Variants in AFF4 observed in about 807,000 individuals in gnomAD.
AFF4 encodes ALF transcription elongation factor 4, also known as AF4/FMR2 family member 4.
Under a neutral mutation model 124.8 loss-of-function variants are expected in AFF4, and 13 were observed. That is an observed-to-expected ratio of 0.10 (90% CI 0.07 to 0.17). The LOEUF is 0.17. AFF4 is among the 10% of genes least tolerant of loss of function. The pLI, the probability that AFF4 is intolerant of heterozygous loss-of-function variation, is 1.00. For missense variants in AFF4, 1,092 were observed against 1,403.8 expected, an observed-to-expected ratio of 0.78 and a Z score of 3.55; for synonymous variants, 477 against 496.1, an observed-to-expected ratio of 0.96 and a Z score of 0.51.
chr5:132,957,132 G>A (rs191439272), intron 1 of AFF4, among the ~76,000 whole-genome samples: 86 of 150,594 alleles, frequency 5.7e-4, no homozygotes, highest in African/African-American at 2.1e-3. Flanking sequence ...CCTGAGGCCA[G>A]GAATTTGTAA....
At chr5:132,881,499 A>C (rs1361643242) in intron 20 of AFF4, among the ~76,000 whole-genome samples, 1 of 152,234 alleles carries the variant, frequency 6.6e-6, no homozygotes, top group Non-Finnish European at 1.5e-5. Context: ...ATTTAATGCC[A>C]TAATGTGCTA....
chr5:132,910,684 C>T (rs558131209), intron 5 of AFF4, among the ~76,000 whole-genome samples: 2 of 152,208 alleles, frequency 1.3e-5, no homozygotes, highest in Non-Finnish European at 2.9e-5. Flanking sequence ...AGGTGTCTCA[C>T]AAACACCAAA....
At chr5:132,899,550 A>C (rs374873141) in intron 8 of AFF4, 37 bp downstream of exon 8, 1 of 1,548,630 alleles carries the variant, frequency 6.5e-7, no homozygotes, top group Admixed American at 1.8e-5. Context: ...TGAAAATACT[A>C]TATGAGACTG....
At chr5:132,956,331 T>C (rs951220255) in intron 1 of AFF4, among the ~76,000 whole-genome samples, 4 of 152,130 alleles carry the variant, frequency 2.6e-5, no homozygotes, top group African/African-American at 7.2e-5. Flanking sequence ...TTTATGGACA[T>C]TGAAATCTGA....
chr5:132,896,864 G>T lies in AFF4; in HGVS notation c.1766C>A (p.Pro589His), dbSNP rs559274503. Residue 589 changes from proline to histidine, a missense_variant, in exon 11 of 21, where the codon CCT becomes CAT. Coordinates refer to ENST00000265343, the MANE Select transcript of AFF4 (RefSeq NM_014423.4). ...GGGCATGCTGCTAGCCAAGTCTACA[G>T]GGGTTTCACTTTCTATCTTCAGGCC... ...RGGLKIESETPVDLASSMPSS... is the reference protein window; with the variant it reads ...RGGLKIESETHVDLASSMPSS... 13 of 1,614,108 alleles carry T rather than the reference G, an allele frequency of 8.1e-6. No individual in the cohort carries two copies. The East Asian group carries it at 2.7e-4, about 33-fold the overall frequency.
chr5:132,950,735 C>T (rs1370900470), intron 1 of AFF4, among the ~76,000 whole-genome samples: 1 of 152,172 alleles, frequency 6.6e-6, no homozygotes, highest in East Asian at 1.9e-4. Flanking sequence ...TCAGCGTCTA[C>T]ATCTATTCTC....
At position 132,898,348 on chromosome 5, in the gene AFF4, G is replaced by C; in HGVS notation, c.1271C>G (p.Ser424Cys). The C allele has an allele frequency of 4.3e-6, 7 of 1,614,198 alleles. No individual in the cohort carries two copies. The highest frequency in any genetic ancestry group is 4.2e-6 in the Non-Finnish European group (5 of 1,180,018). Reference sequence around the variant, plus strand: ...ACTGTGGCTACTAGAATCATCCCTGGAGTTATCTGCTCCTTCACTATTATG... The same window carrying C: ...ACTGTGGCTACTAGAATCATCCCTGCAGTTATCTGCTCCTTCACTATTATG... ...SHHNSEGADN[S>C]RDDSSSHSGS... Residue 424 changes from serine (S) to cysteine (C), a missense_variant, in exon 10 of 21, where the codon TCC (serine) becomes TGC (cysteine). By Grantham distance (112) the Ser-to-Cys change is moderately radical. Around this residue, in one of 11 missense-constraint regions of AFF4, gnomAD observed 148 missense variants for 196.3 expected, o/e 0.75. Coordinates refer to ENST00000265343, the MANE Select transcript of AFF4 (RefSeq NM_014423.4).
intron 18 of AFF4, among the ~76,000 whole-genome samples, chr5:132,885,784 T>C (rs1328079078): frequency 6.6e-6 from 1 of 152,140 alleles, no homozygotes; most frequent in Non-Finnish European, 1.5e-5. Context: ...ACTTTTTGTT[T>C]GTTTTTGAGA....
chr5:132,892,948 C>T, intron 12 of AFF4, 82 bp downstream of exon 12: 1 of 1,318,116 alleles, frequency 7.6e-7, no homozygotes, highest in Non-Finnish European at 1.1e-6. Context: ...AAGGAACACT[C>T]AGAGCATGTC....
chr5:132,926,311 C>A, intron 5 of AFF4: 1 of 416,644 alleles, frequency 2.4e-6, no homozygotes, highest in Non-Finnish European at 4.7e-6. Context: ...GAATGTATTT[C>A]TGTATTATTT....
intron 1 of AFF4, among the ~76,000 whole-genome samples, chr5:132,939,773 G>A (rs1389595506): frequency 6.6e-6 from 1 of 152,134 alleles, no homozygotes; most frequent in Non-Finnish European, 1.5e-5. Context: ...ACCACGCCCG[G>A]CTAATTTTTG....
At chr5:132,946,917 C>T (rs934843620) in intron 1 of AFF4, among the ~76,000 whole-genome samples, 1 of 151,878 alleles carries the variant, frequency 6.6e-6, no homozygotes, top group African/African-American at 2.4e-5. Flanking sequence ...TTAGGTCAGG[C>T]GTGGTGGCGT....
At chr5:132,907,079 A>G (rs969851766) in intron 5 of AFF4, among the ~76,000 whole-genome samples, 5 of 152,148 alleles carry the variant, frequency 3.3e-5, no homozygotes, top group African/African-American at 1.2e-4. Context: ...ATATCTGACA[A>G]TAGTCAGCAG....
At chr5:132,925,876 A>G (rs762409964) in intron 5 of AFF4, among the ~76,000 whole-genome samples, 2 of 152,226 alleles carry the variant, frequency 1.3e-5, no homozygotes, top group Non-Finnish European at 2.9e-5. Context: ...CTCAACACTC[A>G]GCAATTCTAC....
chr5:132,901,708 C>T (rs1561487273), intron 7 of AFF4, among the ~76,000 whole-genome samples: 2 of 152,084 alleles, frequency 1.3e-5, no homozygotes, highest in Admixed American at 1.3e-4. Context: ...AAATGAAGGG[C>T]TTGGCCTAAA....
At chr5:132,900,955 C>T (rs775526076) in intron 7 of AFF4, 121 of 985,110 alleles carry the variant, frequency 1.2e-4, no homozygotes, top group Non-Finnish European at 1.4e-4. Flanking sequence ...TTTTCCTCCT[C>T]AAAGTTTAAC....
intron 1 of AFF4, among the ~76,000 whole-genome samples, chr5:132,947,512 T>TA (rs1245199401): frequency 1.3e-5 from 2 of 152,202 alleles, no homozygotes; most frequent in Non-Finnish European, 1.5e-5. Flanking sequence ...TTTTTTCACT[T>TA]AGTGTCTTAA....
chr5:132,903,880 T>C (rs1374515166), intron 6 of AFF4: 1 of 152,666 alleles, frequency 6.6e-6, no homozygotes, highest in Non-Finnish European at 1.5e-5. Context: ...GTAGTGTATT[T>C]TGATCTCCAA....
At position 132,953,572 on chromosome 5, in the gene AFF4, C is replaced by G. The variant is rs535942798; in HGVS notation, c.-5+9687G>C. 1.8e-4 allele frequency among the ~76,000 whole-genome samples: 27 copies of G among 152,198 alleles called. No homozygotes were observed. In the South Asian group the frequency reaches 5.4e-3, roughly 30 times the overall value. On this transcript the variant is annotated intron_variant, in intron 1 of 20. Coordinates refer to ENST00000265343, the MANE Select transcript of AFF4 (RefSeq NM_014423.4). Reference sequence around the variant, plus strand: ...CATGCCCAATCCCAAAAATCTCAATCTTAATACATCTAAAATTAATTTTCT... The same window carrying G: ...CATGCCCAATCCCAAAAATCTCAATGTTAATACATCTAAAATTAATTTTCT...
Sources: allele counts gnomAD v4.1 joint callset (sites outside exome capture counted in the v4.1 genomes callset), GRCh38; gene constraint gnomAD v4.1.1; regional missense constraint gnomAD v4.1.1; transcripts MANE v1.5; gene names NCBI Gene and HGNC (gene_info 2026-07-23, HGNC 2026-07-21).